The following TIMM23B variants were observed in gnomAD, a reference collection of about 807,000 sequenced individuals.
TIMM23B encodes mitochondrial import inner membrane translocase subunit Tim23B.
Under a neutral mutation model 27.3 loss-of-function variants are expected in TIMM23B, and 27 were observed. That is an observed-to-expected ratio of 0.99 (90% CI 0.73 to 1.36). TIMM23B has a LOEUF of 1.36. TIMM23B is among the 40% of genes most tolerant of loss of function. TIMM23B has a pLI of 0.00. For synonymous variants in TIMM23B, 73 were observed against 92.4 expected, an observed-to-expected ratio of 0.79 and a Z score of 1.21; for missense variants, 205 against 244.2, an observed-to-expected ratio of 0.84 and a Z score of 1.07.
chr10:49,959,923 A>G (rs1839841911), intron 6 of TIMM23B, among the ~76,000 whole-genome samples: 1 of 146,332 alleles, frequency 6.8e-6, no homozygotes, highest in African/African-American at 2.5e-5. Context: ...TAATTCTTGT[A>G]TTTTTAGTAG....
intron 6 of TIMM23B, among the ~76,000 whole-genome samples, chr10:49,960,585 A>G (rs1839864079): frequency 6.6e-6 from 1 of 151,894 alleles, no homozygotes; most frequent in African/African-American, 2.4e-5. Context: ...TGTTTTATAG[A>G]CAAAGAAACT....
chr10:49,960,639 C>G (rs1333571765), intron 6 of TIMM23B, among the ~76,000 whole-genome samples: 1 of 150,952 alleles, frequency 6.6e-6, no homozygotes, highest in Non-Finnish European at 1.5e-5. Context: ...TCACACAGCT[C>G]TGTCATGTTC....
chr10:49,951,332 C>G (rs1589032267), intron 2 of TIMM23B, among the ~76,000 whole-genome samples: 1 of 151,684 alleles, frequency 6.6e-6, no homozygotes, highest in Non-Finnish European at 1.5e-5. Flanking sequence ...AGGGTGTGAC[C>G]TAGCCATTAG....
At chr10:49,969,659 A>G (rs1483119963) in intron 6 of TIMM23B, among the ~76,000 whole-genome samples, 2 of 151,782 alleles carry the variant, frequency 1.3e-5, no homozygotes, top group African/African-American at 4.8e-5. Context: ...ATGCCACTGC[A>G]CTCCAGCCTA....
At chr10:49,950,054 T>A in intron 2 of TIMM23B, among the ~76,000 whole-genome samples, 1 of 152,310 alleles carries the variant, frequency 6.6e-6, no homozygotes, top group Non-Finnish European at 1.5e-5. Flanking sequence ...TCTTATATCC[T>A]CATTGAAACT....
At chr10:49,950,193 G>C (rs1452726278) in intron 2 of TIMM23B, among the ~76,000 whole-genome samples, 1 of 135,980 alleles carries the variant, frequency 7.4e-6, no homozygotes, top group East Asian at 2.3e-4. Flanking sequence ...AATTAAAAAA[G>C]TTTTTTCTTT....
intron 6 of TIMM23B, chr10:49,969,962 TG>T (rs1554856185): frequency 6.0e-6 from 1 of 165,748 alleles, no homozygotes; most frequent in African/African-American, 2.4e-5. Context: ...GACTGGTTTT[TG>T]TATTTTTTTT....
In TIMM23B at chr10:49,958,369, G is replaced by A. The variant is rs1839791692; in HGVS notation, c.404-1G>A. The A allele has an allele frequency of 2.5e-6, 4 of 1,613,726 alleles. No homozygotes were observed. Among genetic ancestry groups the A allele is most frequent in the Non-Finnish European group, 3.4e-6 (4 of 1,179,760 alleles). On this transcript the variant is annotated splice_acceptor_variant, in intron 5 of 6. Transcript: ENST00000651259. LOFTEE classifies it high-confidence loss of function. ...ACTGAGCACTTCCATTTCCTCTTTA[G>A]CGTTGCTCTATAGTGCATTTGGTGT...
intron 6 of TIMM23B, among the ~76,000 whole-genome samples, chr10:49,961,121 G>A (rs1437915057): frequency 3.3e-4 from 50 of 152,022 alleles, no homozygotes; most frequent in African/African-American, 9.9e-4. Flanking sequence ...GGTGGCTCAC[G>A]CCTGTAATCC....
chr10:49,952,573 T>C, intron 4 of TIMM23B, 40 bp downstream of exon 4: 2 of 1,609,632 alleles, frequency 1.2e-6, no homozygotes, highest in Non-Finnish European at 1.7e-6. Context: ...GATACTTGAA[T>C]ATTAAGCTCT....
chr10:49,943,634 G>T (rs1296250158), intron 1 of TIMM23B, among the ~76,000 whole-genome samples: 64 of 151,240 alleles, frequency 4.2e-4, no homozygotes, highest in African/African-American at 1.5e-3. Context: ...ATTTGATTAA[G>T]ATTTGAAGGT....
intron 2 of TIMM23B, among the ~76,000 whole-genome samples, chr10:49,949,626 A>G (rs1187531630): frequency 6.6e-6 from 1 of 151,462 alleles, no homozygotes; most frequent in African/African-American, 2.4e-5. Flanking sequence ...ATTCTTCATC[A>G]TGAACATTTA....
chr10:49,945,227 A>G, intron 2 of TIMM23B, 137 bp downstream of exon 2: 1 of 718,234 alleles, frequency 1.4e-6, no homozygotes, highest in Non-Finnish European at 2.4e-6. Context: ...TTTTTTCCTC[A>G]CAAACACCAG....
chr10:49,948,444 AAC>A (rs1204502063), intron 2 of TIMM23B, among the ~76,000 whole-genome samples: 10 of 152,214 alleles, frequency 6.6e-5, no homozygotes, highest in Non-Finnish European at 1.2e-4. Context: ...TATTCATAAT[AAC>A]CAAAAAATGG....
chr10:49,968,437 C>T (rs1374562174), intron 6 of TIMM23B, among the ~76,000 whole-genome samples: 1 of 152,216 alleles, frequency 6.6e-6, no homozygotes, highest in Admixed American at 6.5e-5. Flanking sequence ...AACAGAATTC[C>T]TCAGCGAATC....
In TIMM23B at chr10:49,942,160, G is replaced by A. The variant is rs1839131332; in HGVS notation, c.-35G>A. On this transcript the variant is annotated 5_prime_UTR_variant, in exon 1 of 7. Transcript: ENST00000651259. ...GCCCAGCGGACCACCCAGGCTTGAG[G>A]CAGCGGCGGGAACCACTCGGTTTGC... 57 of 1,558,810 alleles carry A rather than the reference G, an allele frequency of 3.7e-5. 1 individual carries two copies. In the South Asian group the frequency reaches 6.0e-4, roughly 16 times the overall value.
intron 2 of TIMM23B, among the ~76,000 whole-genome samples, chr10:49,948,008 A>G (rs1160007747): frequency 6.6e-6 from 1 of 152,250 alleles, no homozygotes; most frequent in Admixed American, 6.5e-5. Context: ...AGGAATTTAT[A>G]TCTAGAATAT....
chr10:49,955,109 T>C (rs1271114394), intron 5 of TIMM23B, 49 bp downstream of exon 5: 57 of 1,570,186 alleles, frequency 3.6e-5, no homozygotes, highest in Non-Finnish European at 4.9e-5. Context: ...AAAGAAAGAA[T>C]GCACAAATAT....
In TIMM23B at chr10:49,943,456, C is replaced by T. The variant is rs1423680008; in HGVS notation, c.106+1156C>T. Reference sequence around the variant, plus strand: ...GTTGTCCAAGCTGGTCTCAAACTCTCGAACTCAGGCCATCCTCCTGTCTCG... The same window carrying T: ...GTTGTCCAAGCTGGTCTCAAACTCTTGAACTCAGGCCATCCTCCTGTCTCG... On this transcript the variant is annotated intron_variant, in intron 1 of 6. Coordinates refer to ENST00000651259, the MANE Select transcript of TIMM23B (RefSeq NM_001290117.2). The T allele has an allele frequency of 5.9e-5, 9 of 152,026 alleles. No homozygotes were observed. The East Asian group carries it at 1.5e-3, about 26-fold the overall frequency. 9.4% of individuals were successfully genotyped at this position (152,026 alleles called of 1,614,324 possible). A position where few individuals can be genotyped will look rare whatever the true frequency, so the allele number is the denominator to read the frequency against.
Sources: allele counts gnomAD v4.1 joint callset (sites outside exome capture counted in the v4.1 genomes callset), GRCh38; gene constraint gnomAD v4.1.1; transcripts MANE v1.5; gene names NCBI Gene and HGNC (gene_info 2026-07-23, HGNC 2026-07-21).